The following AK9 variants were observed in gnomAD, a reference collection of about 807,000 sequenced individuals.
AK9 encodes adenylate kinase 9.
Under a neutral mutation model 239.6 loss-of-function variants are expected in AK9, and 191 were observed. The ratio of observed to expected loss-of-function variants is 0.80; its 90% CI spans 0.71 to 0.90. The LOEUF (loss-of-function observed/expected upper bound fraction) is 0.90. AK9 is among the 40% of genes least tolerant of loss of function. AK9 has a pLI of 0.00. For missense variants in AK9, 1,995 were observed against 2,214.7 expected (o/e 0.90, Z 1.99); for synonymous variants, 689 against 721.0 (o/e 0.96, Z 0.71).
chr6:109,582,376 T>C (rs1044635288), intron 19 of AK9, among the ~76,000 whole-genome samples: 4 of 152,192 alleles, frequency 2.6e-5, no homozygotes, highest in African/African-American at 4.8e-5. Context: ...AGAACATTCA[T>C]GATTTGTGGG....
chr6:109,538,474 C>T (rs1186598726), intron 27 of AK9, among the ~76,000 whole-genome samples: 3 of 152,102 alleles, frequency 2.0e-5, no homozygotes, highest in Admixed American at 6.5e-5. Flanking sequence ...CTTCCTCCAT[C>T]CCTTTATTTT....
chr6:109,659,143 T>C, intron 7 of AK9, 85 bp downstream of exon 7: 1 of 1,381,274 alleles, frequency 7.2e-7, no homozygotes, highest in African/African-American at 1.5e-5. Flanking sequence ...GCATCTACTA[T>C]TTCCTATTAC....
At chr6:109,557,254 A>G (rs1252680226) in intron 24 of AK9, among the ~76,000 whole-genome samples, 2 of 151,964 alleles carry the variant, frequency 1.3e-5, no homozygotes, top group African/African-American at 4.8e-5. Context: ...CCTCTTCCGT[A>G]GGGCTGCTGC....
At chr6:109,622,113 T>G (rs1305171364) in intron 12 of AK9, among the ~76,000 whole-genome samples, 1 of 146,812 alleles carries the variant, frequency 6.8e-6, no homozygotes, top group African/African-American at 2.5e-5. Context: ...ATTTTATACA[T>G]TATATATAAT....
intron 8 of AK9, among the ~76,000 whole-genome samples, chr6:109,648,039 A>G (rs1332694134): frequency 1.3e-5 from 2 of 152,194 alleles, no homozygotes; most frequent in African/African-American, 4.8e-5. Flanking sequence ...CTTTGAAACC[A>G]ACGAGAACAA....
At chr6:109,594,813 A>G (rs1447171089) in intron 17 of AK9, among the ~76,000 whole-genome samples, 2 of 152,260 alleles carry the variant, frequency 1.3e-5, no homozygotes, top group African/African-American at 4.8e-5. Flanking sequence ...CCATATGCAG[A>G]AAACTGAAAC....
intron 29 of AK9, among the ~76,000 whole-genome samples, chr6:109,518,979 G>T (rs1030298944): frequency 6.6e-6 from 1 of 151,928 alleles, no homozygotes; most frequent in Non-Finnish European, 1.5e-5. Context: ...CTCCTTCTAG[G>T]TGTTCTGAGT....
At chr6:109,627,961 C>G (rs1795732500) in intron 12 of AK9, among the ~76,000 whole-genome samples, 1 of 152,134 alleles carries the variant, frequency 6.6e-6, no homozygotes, top group African/African-American at 2.4e-5. Context: ...CTATTTTATG[C>G]TTTATTAAAT....
intron 5 of AK9, among the ~76,000 whole-genome samples, chr6:109,664,098 T>C (rs1364660921): frequency 6.6e-6 from 1 of 152,212 alleles, no homozygotes; most frequent in Non-Finnish European, 1.5e-5. Context: ...TTTCATAAAA[T>C]ATGCAATTTA....
At chr6:109,568,352 G>A (rs76064292) in intron 21 of AK9, among the ~76,000 whole-genome samples, 1 of 151,834 alleles carries the variant, frequency 6.6e-6, no homozygotes, top group African/African-American at 2.4e-5. Flanking sequence ...GGAAGCATTC[G>A]CTTTGAAAAC....
intron 12 of AK9, among the ~76,000 whole-genome samples, chr6:109,619,556 A>G (rs1053579654): frequency 6.6e-6 from 1 of 152,152 alleles, no homozygotes; most frequent in Non-Finnish European, 1.5e-5. Context: ...TGTTATATGT[A>G]TAACTTACAT....
At chr6:109,601,390 AG>A (rs1246543287) in intron 17 of AK9, among the ~76,000 whole-genome samples, 1 of 152,162 alleles carries the variant, frequency 6.6e-6, no homozygotes, top group Non-Finnish European at 1.5e-5. Flanking sequence ...AGCAGTTTTG[AG>A]TGAGTTTCTT....
chr6:109,573,479 A>C lies in AK9; in HGVS notation c.2307T>G (p.Phe769Leu), dbSNP rs917334671. ...DTRGSWLPEE[F>L]EASEVPETEP... is the part of the protein sequence containing the mutation. ...CAGTTTCAGGGACCTCAGATGCTTCAAACTCCTCAGGTAACCATGACCCTC... is the reference window on the plus strand; with the variant it reads ...CAGTTTCAGGGACCTCAGATGCTTCCAACTCCTCAGGTAACCATGACCCTC... The change falls in exon 21 of 41, where the codon TTT (phenylalanine) becomes TTG (leucine). Residue 769 changes from phenylalanine (F) to leucine (L), a missense_variant. Physicochemically the swap from Phe to Leu is conservative, Grantham distance 22. Coordinates refer to ENST00000424296, the MANE Select transcript of AK9 (RefSeq NM_001145128.3). The C allele has an allele frequency of 4.5e-6, 7 of 1,550,890 alleles. No homozygotes were observed. The highest frequency in any genetic ancestry group is 6.1e-6 in the Non-Finnish European group (7 of 1,146,684).
intron 17 of AK9, among the ~76,000 whole-genome samples, chr6:109,596,137 A>G (rs1326408994): frequency 6.6e-6 from 1 of 152,204 alleles, no homozygotes. Context: ...GCAGATGGGT[A>G]TATGCTTTGC....
At chr6:109,636,873 AAG>A (rs1796782940) in intron 10 of AK9, among the ~76,000 whole-genome samples, 1 of 151,860 alleles carries the variant, frequency 6.6e-6, no homozygotes, top group African/African-American at 2.4e-5. Flanking sequence ...ATTGGTGTAC[AAG>A]TATCTGTTTG....
rs1382924209 is a variant in AK9 at position 109,495,242 on chromosome 6, C to T, written c.5418+96G>A. ...GCAGCTTAAAATCAGAAAACTCTGC[C>T]TTGAATTTTATTGTTCCCAAAATGA... is the stretch of plus-strand genomic sequence containing the variant. On this transcript the variant is annotated intron_variant, in intron 39 of 40. Transcript: ENST00000424296. 1.3e-5 allele frequency: 13 copies of T among 1,019,808 alleles called. No homozygotes were observed. The South Asian group carries it at 1.3e-4, about 10-fold the overall frequency. 63.2% of individuals were successfully genotyped at this position (1,019,808 alleles called of 1,614,324 possible). A position where few individuals can be genotyped will look rare whatever the true frequency, so the allele number is the denominator to read the frequency against.
intron 8 of AK9, among the ~76,000 whole-genome samples, chr6:109,651,258 A>C (rs1472413279): frequency 1.3e-5 from 2 of 152,134 alleles, no homozygotes; most frequent in African/African-American, 4.8e-5. Context: ...GAAAAAAAAA[A>C]GAAACTCACT....
intron 7 of AK9, among the ~76,000 whole-genome samples, chr6:109,657,457 C>A (rs1012904685): frequency 1.1e-4 from 17 of 151,556 alleles, no homozygotes; most frequent in African/African-American, 4.1e-4. Context: ...CTGTTTACAT[C>A]AAGTGGTCAT....
chr6:109,544,544 C>A (rs1395518701), intron 26 of AK9, among the ~76,000 whole-genome samples: 2 of 152,114 alleles, frequency 1.3e-5, no homozygotes, highest in African/African-American at 2.4e-5. Context: ...CACCTCCCAC[C>A]TCACTCTCTT....
Sources: gnomAD v4.1 joint callset for allele counts (sites outside exome capture counted in the v4.1 genomes callset) on GRCh38, gnomAD v4.1.1 for gene constraint, MANE v1.5 for transcripts, NCBI Gene and HGNC (gene_info 2026-07-23, HGNC 2026-07-21) for gene names.